The following ITSN1 variants were observed in gnomAD, a reference collection of about 807,000 sequenced individuals.
ITSN1 encodes the protein intersectin 1.
ITSN1 carries 58 observed loss-of-function variants against 239.8 expected under a neutral mutation model. The ratio of observed to expected loss-of-function variants is 0.24; its 90% confidence interval spans 0.20 to 0.30. The LOEUF is 0.30. ITSN1 is among the 10% of genes least tolerant of loss of function. ITSN1 has a pLI of 1.00. For synonymous variants in ITSN1, 780 were observed against 770.8 expected, an observed-to-expected ratio of 1.01 and a Z score of -0.20; for missense variants, 1,558 against 2,103.3, an observed-to-expected ratio of 0.74 and a Z score of 5.07.
chr21:33,834,504 C>A, intron 28 of ITSN1, 80 bp downstream of exon 28: 4 of 1,010,760 alleles, frequency 4.0e-6, no homozygotes, highest in Admixed American at 4.1e-5. Flanking sequence ...CATTAAATAT[C>A]TTAGGTTGTT....
At chr21:33,789,890 T>G (rs2070973001) in intron 16 of ITSN1, among the ~76,000 whole-genome samples, 2 of 152,216 alleles carry the variant, frequency 1.3e-5, no homozygotes, top group Non-Finnish European at 2.9e-5. Context: ...TTGAAATACT[T>G]TGGCTCTGTG....
At chr21:33,752,647 A>T (rs955290227) in intron 7 of ITSN1, among the ~76,000 whole-genome samples, 6 of 152,248 alleles carry the variant, frequency 3.9e-5, no homozygotes, top group Admixed American at 2.0e-4. Flanking sequence ...GCACTCTGAG[A>T]GGCTGAGGCA....
At position 33,850,347 on chromosome 21, in the gene ITSN1, T is replaced by C. The variant is rs148467518; in HGVS notation, c.3662-6389T>C. 2.5e-4 allele frequency among the ~76,000 whole-genome samples: 38 copies of C among 152,346 alleles called. No individual in the cohort carries two copies. In the East Asian group the frequency reaches 6.9e-3, roughly 28 times the overall value. On this transcript the variant is annotated intron_variant, in intron 29 of 39. Transcript: ENST00000381318. ...CAGGCTGGGTGGGATACCTGAGCTC[T>C]GCTGGACCCACGAGGGTCTCTGGTG...
chr21:33,866,788 C>T (rs564315771), intron 32 of ITSN1, among the ~76,000 whole-genome samples: 1 of 152,330 alleles, frequency 6.6e-6, no homozygotes, highest in Admixed American at 6.5e-5. Flanking sequence ...CGTGCAGGCT[C>T]CACTCAAAAC....
chr21:33,671,332 A>G (rs2090262436), intron 1 of ITSN1, among the ~76,000 whole-genome samples: 1 of 152,010 alleles, frequency 6.6e-6, no homozygotes, highest in South Asian at 2.1e-4. Flanking sequence ...CTTGTCACCC[A>G]GGCTGGATTG....
chr21:33,736,915 G>T (rs546991333), intron 5 of ITSN1, among the ~76,000 whole-genome samples: 1 of 152,184 alleles, frequency 6.6e-6, no homozygotes, highest in Non-Finnish European at 1.5e-5. Flanking sequence ...AGCACAAGAG[G>T]TCAAGCCTGC....
At chr21:33,838,270 G>A (rs746723340) in intron 29 of ITSN1, 25 of 985,224 alleles carry the variant, frequency 2.5e-5, no homozygotes, top group Non-Finnish European at 2.9e-5. Flanking sequence ...CTCCCCTCGC[G>A]TTCTCCCGGC....
At chr21:33,653,468 A>G (rs1421774495) in intron 1 of ITSN1, among the ~76,000 whole-genome samples, 1 of 152,160 alleles carries the variant, frequency 6.6e-6, no homozygotes, top group African/African-American at 2.4e-5. Context: ...CATCATGTTT[A>G]TAAAGGACCA....
chr21:33,777,635 T>C (rs1435509550), intron 14 of ITSN1, among the ~76,000 whole-genome samples: 1 of 152,234 alleles, frequency 6.6e-6, no homozygotes, highest in Admixed American at 6.5e-5. Context: ...TGTCCAAGTC[T>C]TGTAGATACT....
chr21:33,833,628 G>C (rs979088995), intron 27 of ITSN1, among the ~76,000 whole-genome samples: 5 of 152,236 alleles, frequency 3.3e-5, no homozygotes. Context: ...AGCACTTTGG[G>C]AGGCCGAGGG....
intron 22 of ITSN1, among the ~76,000 whole-genome samples, chr21:33,817,003 G>A (rs2073321003): frequency 6.6e-6 from 1 of 152,068 alleles, no homozygotes; most frequent in Non-Finnish European, 1.5e-5. Context: ...TAAATTCTCT[G>A]CTCATCAGAC....
intron 1 of ITSN1, among the ~76,000 whole-genome samples, chr21:33,669,988 C>T (rs1243676227): frequency 6.6e-6 from 1 of 152,158 alleles, no homozygotes; most frequent in Non-Finnish European, 1.5e-5. Context: ...TTGCCCTAGA[C>T]TCATAGGTGC....
intron 9 of ITSN1, among the ~76,000 whole-genome samples, chr21:33,763,127 C>A (rs2068470634): frequency 1.4e-5 from 2 of 147,926 alleles, no homozygotes; most frequent in South Asian, 4.3e-4. Flanking sequence ...CTGTATTTTG[C>A]AATACTTGAG....
intron 1 of ITSN1, among the ~76,000 whole-genome samples, chr21:33,655,482 G>A (rs2088966339): frequency 6.6e-6 from 1 of 151,606 alleles, no homozygotes; most frequent in South Asian, 2.1e-4. Flanking sequence ...GTGCAGCGGT[G>A]CAATCTTGGC....
intron 31 of ITSN1, among the ~76,000 whole-genome samples, chr21:33,863,181 G>A (rs2148495904): frequency 6.6e-6 from 1 of 152,310 alleles, no homozygotes; most frequent in East Asian, 1.9e-4. Flanking sequence ...GAATCTAATA[G>A]GTGCCTAGTC....
chr21:33,661,815 C>T (rs563119949), intron 1 of ITSN1, among the ~76,000 whole-genome samples: 21 of 152,016 alleles, frequency 1.4e-4, no homozygotes, highest in African/African-American at 2.4e-4. Context: ...CTCTTGTGAC[C>T]GCCATGTGAG....
chr21:33,864,432 T>C (rs967835737), intron 31 of ITSN1, among the ~76,000 whole-genome samples: 6 of 152,120 alleles, frequency 3.9e-5, no homozygotes, highest in African/African-American at 1.2e-4. Flanking sequence ...GGAAGCACAG[T>C]CCTAGTTACC....
rs1350742717 is a variant in ITSN1 at position 33,766,130 on chromosome 21, T to C, written c.926+118T>C. ...CCCTGACAAGGAAACTAAGTATCCG[T>C]GAATTCTAGAGACTCTCATCTAGGT... On this transcript the variant is annotated intron_variant, in intron 10 of 39. Coordinates refer to ENST00000381318, the MANE Select transcript of ITSN1 (RefSeq NM_003024.3). 16 of 1,085,334 alleles carry C rather than the reference T, an allele frequency of 1.5e-5. No homozygotes were observed. In the East Asian group the frequency reaches 3.8e-4, roughly 26 times the overall value. 67.2% of individuals were successfully genotyped at this position (1,085,334 alleles called of 1,614,324 possible). A position where few individuals can be genotyped will look rare whatever the true frequency, so the allele number is the denominator to read the frequency against.
At chr21:33,741,280 G>T (rs1421864822) in intron 5 of ITSN1, among the ~76,000 whole-genome samples, 2 of 151,950 alleles carry the variant, frequency 1.3e-5, no homozygotes, top group African/African-American at 4.8e-5. Flanking sequence ...ACCAGGATTT[G>T]GAGTATAATT....
Sources: allele counts gnomAD v4.1 joint callset (sites outside exome capture counted in the v4.1 genomes callset), GRCh38; gene constraint gnomAD v4.1.1; transcripts MANE v1.5; gene names NCBI Gene and HGNC (gene_info 2026-07-23, HGNC 2026-07-21).